Variants in TNFAIP8L2 observed in about 807,000 individuals in gnomAD.
The protein encoded by TNFAIP8L2 is tumor necrosis factor alpha-induced protein 8-like protein 2.
Under a neutral mutation model 5.6 loss-of-function variants are expected in TNFAIP8L2, and 2 were observed. The observed-to-expected ratio is 0.36, with a 90% CI of 0.15 to 1.13. The LOEUF (loss-of-function observed/expected upper bound fraction) is 1.13. Ranked by LOEUF, TNFAIP8L2 falls within the 50% of genes most tolerant of loss-of-function variation. The pLI is 0.40. For synonymous variants in TNFAIP8L2, 91 were observed against 101.1 expected, an observed-to-expected ratio of 0.90 and a Z score of 0.60; for missense variants, 216 against 241.8, an observed-to-expected ratio of 0.89 and a Z score of 0.71.
At position 151,159,275 on chromosome 1, in the gene TNFAIP8L2, C is replaced by T; in HGVS notation, c.*23C>T. 1 of 1,587,544 alleles carries T rather than the reference C, an allele frequency of 6.3e-7. No homozygotes were observed. The highest frequency in any genetic ancestry group is 8.6e-7 in the Non-Finnish European group (1 of 1,163,710). ...TGAGAGCCCTGAGCCTAGCACATTC[C>T]ACCTTGACAAAATGGTTGACTGAGA... On this transcript the variant is annotated 3_prime_UTR_variant, in exon 2 of 2. Transcript: ENST00000368910.
In TNFAIP8L2 at chr1:151,158,773, G is replaced by C; in HGVS notation, c.76G>C (p.Val26Leu). The part of the protein sequence containing the change: ...KLLSKMAGRS[V>L]AHLFIDETSS... ...ACTGAGTAAGATGGCGGGTCGCTCT[G>C]TGGCTCATCTCTTCATAGATGAGAC... The change falls in exon 2 of 2, where the codon GTG (valine) becomes CTG (leucine). Residue 26 changes from valine (V) to leucine (L), a missense_variant. By Grantham distance (32) the Val-to-Leu change is conservative (BLOSUM62 1). Transcript: ENST00000368910. 6.2e-7 allele frequency: 1 copy of C among 1,614,094 alleles called. No homozygotes were observed. The highest frequency in any genetic ancestry group is 8.5e-7 in the Non-Finnish European group (1 of 1,179,996).
At chr1:151,158,583 T>C (rs1294262018) in intron 1 of TNFAIP8L2, 83 bp from the exon 2 acceptor site, 2 of 1,038,508 alleles carry the variant, frequency 1.9e-6, no homozygotes, top group African/African-American at 1.6e-5. Flanking sequence ...ACAAAGATGA[T>C]GATGACATGG....
At position 151,159,649 on chromosome 1, in the gene TNFAIP8L2, A is replaced by G. The variant is rs1012981891; in HGVS notation, c.*397A>G. 4.4e-6 allele frequency: 1 copy of G among 229,032 alleles called. No homozygotes were observed. Among genetic ancestry groups the G allele is most frequent in the Admixed American group, 5.2e-5 (1 of 19,110 alleles). The allele number at this position is 229,032 out of a possible 1,614,324, so 14.2% of individuals were successfully genotyped here. On this transcript the variant is annotated 3_prime_UTR_variant, in exon 2 of 2. Coordinates refer to ENST00000368910, the MANE Select transcript of TNFAIP8L2 (RefSeq NM_024575.5). ...GAAGAGGGGAAGGTGGCCCTTAGAG[A>G]CAGAGCTTGGACAGATGCCAGAGGC...
At position 151,159,512 on chromosome 1, in the gene TNFAIP8L2, C is replaced by A; in HGVS notation, c.*260C>A. ...ACTGCCTGAAAAAGGTGAAGTGAAA[C>A]TTGGATCTCTATTTCTCCCATAAGG... is the stretch of plus-strand genomic sequence containing the variant. On this transcript the variant is annotated 3_prime_UTR_variant, in exon 2 of 2. Coordinates refer to ENST00000368910, the MANE Select transcript of TNFAIP8L2 (RefSeq NM_024575.5). The A allele has an allele frequency of 4.6e-6, 2 of 430,158 alleles. No homozygotes were observed. The highest frequency in any genetic ancestry group is 4.4e-6 in the Non-Finnish European group (1 of 225,244). The allele number at this position is 430,158 out of a possible 1,614,324, so 26.6% of individuals were successfully genotyped here. A position where few individuals can be genotyped will look rare whatever the true frequency, so the allele number is the denominator to read the frequency against.
chr1:151,157,997 G>A (rs890196723), intron 1 of TNFAIP8L2, among the ~76,000 whole-genome samples: 3 of 152,156 alleles, frequency 2.0e-5, no homozygotes, highest in Non-Finnish European at 4.4e-5. Flanking sequence ...ACAGACATAT[G>A]GCACAGAGTC....
At chr1:151,157,348 G>A (rs1683259203) in intron 1 of TNFAIP8L2, among the ~76,000 whole-genome samples, 1 of 152,168 alleles carries the variant, frequency 6.6e-6, no homozygotes, top group African/African-American at 2.4e-5. Context: ...TGGGGGAGAG[G>A]GCGAGGCTGC....
rs753747275 is a variant in TNFAIP8L2 at position 151,158,854 on chromosome 1, C to T, written c.157C>T (p.Arg53Trp). 51 of 1,614,052 alleles carry T rather than the reference C, an allele frequency of 3.2e-5. No individual in the cohort carries two copies. Among genetic ancestry groups the T allele is most frequent in the Middle Eastern group, 1.6e-4 (1 of 6,084 alleles). Reference sequence around the variant, plus strand: ...TGTGTCCAAGGAGTACACGCACAGCCGGCCCCAGGCCCAGCGCGTGATCAA... The same window carrying T: ...TGTGTCCAAGGAGTACACGCACAGCTGGCCCCAGGCCCAGCGCGTGATCAA... Reference protein sequence around the residue: ...YRVSKEYTHSRPQAQRVIKDL... With the variant: ...YRVSKEYTHSWPQAQRVIKDL... The change falls in exon 2 of 2, where the codon CGG becomes TGG. Residue 53 changes from arginine to tryptophan, a missense_variant. Physicochemically the swap from Arg to Trp is moderately radical, Grantham distance 101. Transcript: ENST00000368910.
intron 1 of TNFAIP8L2, among the ~76,000 whole-genome samples, chr1:151,157,170 A>C (rs2101679439): frequency 6.6e-6 from 1 of 152,282 alleles, no homozygotes; most frequent in Middle Eastern, 3.4e-3. Context: ...GGAGGAAGGA[A>C]GGCTCACATG....
intron 1 of TNFAIP8L2, among the ~76,000 whole-genome samples, chr1:151,158,326 A>G (rs1267464950): frequency 1.3e-5 from 2 of 151,400 alleles, no homozygotes; most frequent in Non-Finnish European, 3.0e-5. Flanking sequence ...CCGTCTCAAA[A>G]AAAAAAAAAA....
In TNFAIP8L2 at chr1:151,159,015, G is replaced by C. The variant is rs950354072; in HGVS notation, c.318G>C (p.Glu106Asp). 4 of 1,614,148 alleles carry C rather than the reference G, an allele frequency of 2.5e-6. No homozygotes were observed. In the African/African-American group the frequency reaches 5.3e-5, roughly 22 times the overall value. Residue 106 changes from glutamate to aspartate, a missense_variant, in exon 2 of 2, where the codon GAG (glutamate) becomes GAC (aspartate). By Grantham distance (45) the Glu-to-Asp change is conservative. Coordinates refer to ENST00000368910, the MANE Select transcript of TNFAIP8L2 (RefSeq NM_024575.5). ...QGAMTALSFG[E>D]VDFTFEAAVL... The stretch of plus-strand genomic sequence containing the variant: ...CCATGACGGCACTTAGCTTTGGTGA[G>C]GTAGACTTCACCTTCGAGGCTGCTG...
intron 1 of TNFAIP8L2, among the ~76,000 whole-genome samples, chr1:151,157,932 T>C (rs1240147443): frequency 6.6e-6 from 1 of 152,208 alleles, no homozygotes; most frequent in Non-Finnish European, 1.5e-5. Flanking sequence ...GTAAATTACT[T>C]AATGTAAGTA....
chr1:151,158,249 G>A (rs1396228727), intron 1 of TNFAIP8L2, among the ~76,000 whole-genome samples: 3 of 151,876 alleles, frequency 2.0e-5, no homozygotes, highest in Admixed American at 2.0e-4. Flanking sequence ...CTTGAACCCG[G>A]GAGGTGGAGG....
chr1:151,156,884 C>G (rs1335543087), intron 1 of TNFAIP8L2, among the ~76,000 whole-genome samples, 162 bp downstream of exon 1: 1 of 152,140 alleles, frequency 6.6e-6, no homozygotes, highest in Non-Finnish European at 1.5e-5. Flanking sequence ...GCAAGGCAGC[C>G]TCTGAAAGAC....
At position 151,159,017 on chromosome 1, in the gene TNFAIP8L2, T is replaced by C. The variant is rs750313252; in HGVS notation, c.320T>C (p.Val107Ala). The change falls in exon 2 of 2, where the codon GTA becomes GCA. Residue 107 changes from valine (V) to alanine (A), a missense_variant. Val to Ala is a moderately conservative substitution (Grantham distance 64). Coordinates refer to ENST00000368910, the MANE Select transcript of TNFAIP8L2 (RefSeq NM_024575.5). The part of the protein sequence containing the change: ...GAMTALSFGE[V>A]DFTFEAAVLA... ...ATGACGGCACTTAGCTTTGGTGAGG[T>C]AGACTTCACCTTCGAGGCTGCTGTT... The C allele has an allele frequency of 1.9e-6, 3 of 1,614,234 alleles. No homozygotes were observed. Among genetic ancestry groups the C allele is most frequent in the Non-Finnish European group, 2.5e-6 (3 of 1,180,044 alleles).
At position 151,158,874 on chromosome 1, in the gene TNFAIP8L2, G is replaced by A. The variant is rs776872565; in HGVS notation, c.177G>A (p.Val59=). ...YTHSRPQAQR[V]IKDLIKVAIK... ...ACAGCCGGCCCCAGGCCCAGCGCGT[G>A]ATCAAGGACCTGATCAAAGTGGCCA... The change falls in exon 2 of 2, where the codon GTG becomes GTA. Residue 59 remains valine, a synonymous_variant. Coordinates refer to ENST00000368910, the MANE Select transcript of TNFAIP8L2 (RefSeq NM_024575.5). 12 of 1,614,124 alleles carry A rather than the reference G, an allele frequency of 7.4e-6. No individual in the cohort carries two copies. Among genetic ancestry groups the A allele is most frequent in the Non-Finnish European group, 9.3e-6 (11 of 1,180,042 alleles).
rs1184753278 is a variant in TNFAIP8L2 at position 151,158,899 on chromosome 1, A to G, written c.202A>G (p.Ile68Val). ...GATCAAGGACCTGATCAAAGTGGCC[A>G]TCAAGGTGGCTGTGCTGCACCGCAA... ...RVIKDLIKVAIKVAVLHRNGS... is the reference protein window; with the variant it reads ...RVIKDLIKVAVKVAVLHRNGS... The change falls in exon 2 of 2, where the codon ATC becomes GTC. Residue 68 changes from isoleucine (I) to valine (V), a missense_variant. Transcript: ENST00000368910. The G allele has an allele frequency of 6.8e-6, 11 of 1,614,216 alleles. No homozygotes were observed. In the East Asian group the frequency reaches 2.5e-4, roughly 36 times the overall value.
chr1:151,159,247 C>T lies in TNFAIP8L2; in HGVS notation c.550C>T (p.Leu184Phe). ...CAGGAAGCTGCTAGACGAAGGGAAG[C>T]TCTGAGAGCCCTGAGCCTAGCACAT... The part of the protein sequence containing the change: ...GLRKLLDEGK[L>F] The change falls in exon 2 of 2, where the codon CTC (leucine) becomes TTC (phenylalanine). Residue 184 changes from leucine to phenylalanine, a missense_variant. Transcript: ENST00000368910. The T allele has an allele frequency of 3.1e-6, 5 of 1,611,080 alleles. No homozygotes were observed. The highest frequency in any genetic ancestry group is 4.2e-6 in the Non-Finnish European group (5 of 1,177,798).
At chr1:151,158,248 G>T (rs980707989) in intron 1 of TNFAIP8L2, among the ~76,000 whole-genome samples, 2 of 151,782 alleles carry the variant, frequency 1.3e-5, no homozygotes, top group Admixed American at 6.6e-5. Flanking sequence ...GCTTGAACCC[G>T]GGAGGTGGAG....
intron 1 of TNFAIP8L2, among the ~76,000 whole-genome samples, chr1:151,157,938 A>T (rs1394313878): frequency 6.6e-6 from 1 of 152,206 alleles, no homozygotes; most frequent in Non-Finnish European, 1.5e-5. Flanking sequence ...TACTTAATGT[A>T]AGTATCATTT....
Sources: allele counts gnomAD v4.1 joint callset (sites outside exome capture counted in the v4.1 genomes callset), GRCh38; gene constraint gnomAD v4.1.1; transcripts MANE v1.5; gene names NCBI Gene and HGNC (gene_info 2026-07-23, HGNC 2026-07-21).